Variants in SP100 observed in about 807,000 individuals in gnomAD.
SP100 encodes nuclear autoantigen Sp-100.
In SP100, 84 loss-of-function variants were observed where a neutral mutation model predicts 130.0. The ratio of observed to expected loss-of-function variants is 0.65; its 90% CI spans 0.54 to 0.77. SP100 has a LOEUF of 0.77. SP100 is among the 30% of genes least tolerant of loss of function. The pLI is 0.00. For missense variants in SP100, 978 were observed against 1,052.2 expected (o/e 0.93, Z 0.97); for synonymous variants, 331 against 351.7 (o/e 0.94, Z 0.66).
At chr2:230,437,918 T>A (rs1423054103) in intron 2 of SP100, among the ~76,000 whole-genome samples, 1 of 152,238 alleles carries the variant, frequency 6.6e-6, no homozygotes, top group Non-Finnish European at 1.5e-5. Context: ...ATCCAGAGCC[T>A]GTATACTTTG....
rs1327467151 is a variant in SP100 at position 230,544,850 on chromosome 2, A to T, written c.*1904A>T. On this transcript the variant is annotated 3_prime_UTR_variant, in exon 29 of 29. Transcript: ENST00000340126. The stretch of plus-strand genomic sequence containing the variant: ...ATGTTTTAAAAGCTCAATATCACTG[A>T]TCGTTAGAGACATGCAAATTAAAAC... 1.3e-5 allele frequency among the ~76,000 whole-genome samples: 2 copies of T among 152,234 alleles called. No individual in the cohort carries two copies. The highest frequency in any genetic ancestry group is 2.9e-5 in the Non-Finnish European group (2 of 68,038).
At chr2:230,448,331 TTTGA>T (rs1213089069) in intron 5 of SP100, among the ~76,000 whole-genome samples, 4 of 152,326 alleles carry the variant, frequency 2.6e-5, no homozygotes, top group South Asian at 2.1e-4. Flanking sequence ...AACAGCTCAC[TTTGA>T]TTGAACATCT....
At chr2:230,538,342 A>G (rs557288998) in intron 24 of SP100, 1 of 152,318 alleles carries the variant, frequency 6.6e-6, no homozygotes, top group East Asian at 1.9e-4. Context: ...ACTTTATAGG[A>G]TGATGTATCA....
At chr2:230,491,503 C>G (rs1164311992) in intron 17 of SP100, among the ~76,000 whole-genome samples, 1 of 152,218 alleles carries the variant, frequency 6.6e-6, no homozygotes, top group Non-Finnish European at 1.5e-5. Flanking sequence ...ACCAAGCCAT[C>G]CAGCCTCCCT....
chr2:230,511,150 C>T lies in SP100; in HGVS notation c.2078C>T (p.Thr693Ile), dbSNP rs1036447394. 2 of 1,608,538 alleles carry T rather than the reference C, an allele frequency of 1.2e-6. No homozygotes were observed. The highest frequency in any genetic ancestry group is 1.7e-6 in the Non-Finnish European group (2 of 1,175,206). The stretch of plus-strand genomic sequence containing the variant: ...AGAATACTGGAATCTCACAACAATA[C>T]CTTAGTTGACCCTTGTGTAAGTATA... ...KKRILESHNN[T>I]LVDPCPENSN... The change falls in exon 24 of 29, where the codon ACC (threonine) becomes ATC (isoleucine). Residue 693 changes from threonine to isoleucine, a missense_variant. Physicochemically the swap from Thr to Ile is moderately conservative, Grantham distance 89. Coordinates refer to ENST00000340126, the MANE Select transcript of SP100 (RefSeq NM_001080391.2).
chr2:230,497,365 G>A (rs374347015), intron 18 of SP100, among the ~76,000 whole-genome samples: 2 of 150,912 alleles, frequency 1.3e-5, no homozygotes, highest in East Asian at 3.9e-4. Flanking sequence ...TTGTGGCCAG[G>A]CCATATAAAG....
chr2:230,427,256 G>T (rs2062960997), intron 2 of SP100, among the ~76,000 whole-genome samples: 1 of 151,956 alleles, frequency 6.6e-6, no homozygotes, highest in Non-Finnish European at 1.5e-5. Context: ...CTGCCTCCCG[G>T]GTTCAAGCAA....
intron 8 of SP100, 61 bp from the exon 9 acceptor site, chr2:230,461,201 A>C: frequency 6.6e-7 from 1 of 1,512,710 alleles, no homozygotes; most frequent in Non-Finnish European, 9.1e-7. Context: ...GGGAGTTATT[A>C]ATGATAGTGA....
intron 13 of SP100, among the ~76,000 whole-genome samples, chr2:230,467,796 C>T (rs997256537): frequency 3.3e-5 from 5 of 152,168 alleles, no homozygotes; most frequent in Non-Finnish European, 2.9e-5. Flanking sequence ...CCTATTAACT[C>T]CAAAGTATTG....
At chr2:230,470,839 A>G (rs2065229915) in intron 15 of SP100, among the ~76,000 whole-genome samples, 2 of 152,214 alleles carry the variant, frequency 1.3e-5, no homozygotes, top group South Asian at 4.1e-4. Flanking sequence ...GGAACTCAGA[A>G]TATTCACAGG....
rs1053285876 is a variant in SP100, at chr2:230,466,962, G to T, written c.1196-158G>T. ...AACCTTGAGCCACACAAATCTGAAT[G>T]AAAAGGCAGATCATGGAGGTTTGAG... On this transcript the variant is annotated intron_variant, in intron 12 of 28. Coordinates refer to ENST00000340126, the MANE Select transcript of SP100 (RefSeq NM_001080391.2). Among the ~76,000 whole-genome samples the T allele has an allele frequency of 2.2e-4, 29 of 130,190 alleles. 1 individual carries two copies. The highest frequency in any genetic ancestry group is 5.7e-5 in the African/African-American group (2 of 35,298). 85.4% of individuals were successfully genotyped at this position (130,190 alleles called of 152,430 possible).
At chr2:230,515,578 G>C (rs758663813) in intron 24 of SP100, 11 of 1,599,842 alleles carry the variant, frequency 6.9e-6, no homozygotes, top group Non-Finnish European at 9.4e-6. Context: ...GAAAAAGAAG[G>C]AAGAGGAAGA....
Position 230,521,650 on chromosome 2 carries a change from G to A in SP100, c.2094+10484G>A, listed in dbSNP as rs145533877. The stretch of plus-strand genomic sequence containing the variant: ...TGGCTTTCTGTGCAGTGAGCAGCTG[G>A]ACCTAGATCAGGGTGTTTCAACAAC... On this transcript the variant is annotated intron_variant, in intron 24 of 28. Transcript: ENST00000340126. Among the ~76,000 whole-genome samples the A allele has an allele frequency of 1.0e-3, 156 of 152,254 alleles. 1 individual carries two copies. Among genetic ancestry groups the A allele is most frequent in the African/African-American group, 3.6e-3 (149 of 41,540 alleles).
In SP100 at chr2:230,447,039, G is replaced by A. The variant is rs568531147; in HGVS notation, c.523+137G>A. ...AGAGAGTTATATGAGCTTCTAACCA[G>A]GTGCAGGGTCCTGGAGAAGTGGCCA... is the stretch of plus-strand genomic sequence containing the variant. On this transcript the variant is annotated intron_variant, in intron 5 of 28. Transcript: ENST00000340126. 6.2e-4 allele frequency: 363 copies of A among 586,298 alleles called. 9 individuals are homozygous for A. The highest frequency in any genetic ancestry group is 6.1e-3 in the South Asian group (295 of 48,214). The allele number at this position is 586,298 out of a possible 1,614,324, so 36.3% of individuals were successfully genotyped here.
intron 19 of SP100, among the ~76,000 whole-genome samples, chr2:230,498,737 A>C (rs1415866027): frequency 6.6e-6 from 1 of 152,038 alleles, no homozygotes; most frequent in East Asian, 1.9e-4. Context: ...CTGCAACCAT[A>C]CCCCAGGGCC....
At chr2:230,418,878 C>G (rs890466816) in intron 2 of SP100, among the ~76,000 whole-genome samples, 1 of 152,074 alleles carries the variant, frequency 6.6e-6, no homozygotes, top group Non-Finnish European at 1.5e-5. Flanking sequence ...CTCTTGACAT[C>G]TGAGGGAGCA....
At chr2:230,440,113 A>G (rs1354053407) in intron 2 of SP100, among the ~76,000 whole-genome samples, 5 of 152,116 alleles carry the variant, frequency 3.3e-5, no homozygotes, top group Admixed American at 1.3e-4. Flanking sequence ...GAAATAAGGC[A>G]AGGAAGTCCA....
At chr2:230,430,263 T>C (rs1453548383) in intron 2 of SP100, among the ~76,000 whole-genome samples, 3 of 152,172 alleles carry the variant, frequency 2.0e-5, no homozygotes, top group East Asian at 1.9e-4. Context: ...CTGCTCTCTA[T>C]GGTTGTTTGG....
intron 24 of SP100, among the ~76,000 whole-genome samples, chr2:230,529,475 C>A (rs1264488010): frequency 6.6e-6 from 1 of 152,182 alleles, no homozygotes; most frequent in Non-Finnish European, 1.5e-5. Flanking sequence ...CAATATCATG[C>A]TGAATGGGCA....
Sources: gnomAD v4.1 joint callset for allele counts (sites outside exome capture counted in the v4.1 genomes callset) on GRCh38, gnomAD v4.1.1 for gene constraint, MANE v1.5 for transcripts, NCBI Gene and HGNC (gene_info 2026-07-23, HGNC 2026-07-21) for gene names.